The following CYRIA variants were observed in gnomAD, a reference collection of about 807,000 sequenced individuals.
The protein encoded by CYRIA is CYFIP related Rac1 interactor A, also known as CYFIP-related Rac1 interactor A.
Under a neutral mutation model 43.9 loss-of-function variants are expected in CYRIA, and 15 were observed. That is an observed-to-expected ratio of 0.34 (90% confidence interval 0.23 to 0.53). The LOEUF is 0.53. CYRIA is among the 20% of genes least tolerant of loss of function. The pLI is 0.94. For missense variants in CYRIA, 236 were observed against 394.2 expected (o/e 0.60, Z 3.40); for synonymous variants, 117 against 136.0 (o/e 0.86, Z 0.97).
At chr2:16,593,104 A>T (rs1389035284) in intron 2 of CYRIA, among the ~76,000 whole-genome samples, 1 of 152,194 alleles carries the variant, frequency 6.6e-6, no homozygotes, top group East Asian at 1.9e-4. Flanking sequence ...GTATACTGTA[A>T]AGGGCTGGGC....
At chr2:16,591,066 GCAGCTCAT>G (rs1667914105) in intron 2 of CYRIA, among the ~76,000 whole-genome samples, 1 of 152,042 alleles carries the variant, frequency 6.6e-6, no homozygotes. Flanking sequence ...ATTTTTTCAA[GCAGCTCAT>G]CAGTGAATAC....
intron 2 of CYRIA, among the ~76,000 whole-genome samples, chr2:16,614,652 A>C (rs968135321): frequency 6.6e-6 from 1 of 152,192 alleles, no homozygotes; most frequent in Non-Finnish European, 1.5e-5. Flanking sequence ...GTTGCTCCCC[A>C]GCTCATATCA....
At chr2:16,590,333 T>C (rs1667882380) in intron 2 of CYRIA, among the ~76,000 whole-genome samples, 1 of 152,178 alleles carries the variant, frequency 6.6e-6, no homozygotes, top group African/African-American at 2.4e-5. Context: ...TGTCTCCAGA[T>C]TAAGGAACAA....
chr2:16,663,475 C>G (rs767622155), intron 1 of CYRIA, among the ~76,000 whole-genome samples: 9 of 152,000 alleles, frequency 5.9e-5, no homozygotes, highest in Non-Finnish European at 1.0e-4. Flanking sequence ...GAAAAAAACA[C>G]CAGGGAAGGG....
At chr2:16,632,816 A>G (rs192294199) in intron 1 of CYRIA, among the ~76,000 whole-genome samples, 1 of 152,310 alleles carries the variant, frequency 6.6e-6, no homozygotes, top group Non-Finnish European at 1.5e-5. Flanking sequence ...CGCTCCAGAC[A>G]ATAGCACAGC....
At chr2:16,621,917 G>C (rs959802672) in intron 2 of CYRIA, among the ~76,000 whole-genome samples, 3 of 152,114 alleles carry the variant, frequency 2.0e-5, no homozygotes, top group Non-Finnish European at 2.9e-5. Flanking sequence ...TTGAATGCAA[G>C]CTCCTTGAGA....
At chr2:16,639,465 AC>A (rs1370057568) in intron 1 of CYRIA, among the ~76,000 whole-genome samples, 1 of 152,210 alleles carries the variant, frequency 6.6e-6, no homozygotes, top group East Asian at 1.9e-4. Context: ...ATCTGCCCTC[AC>A]CCTGGATGTA....
chr2:16,558,332 C>A (rs191507585), intron 10 of CYRIA, among the ~76,000 whole-genome samples: 1 of 152,102 alleles, frequency 6.6e-6, no homozygotes, highest in Non-Finnish European at 1.5e-5. Flanking sequence ...AATAAGTAAT[C>A]CAAGTTACAT....
chr2:16,555,728 T>C (rs1666484942), intron 10 of CYRIA, among the ~76,000 whole-genome samples: 1 of 152,090 alleles, frequency 6.6e-6, no homozygotes, highest in African/African-American at 2.4e-5. Flanking sequence ...CCAATACGAC[T>C]CTGTCATTTA....
chr2:16,664,639 C>CAAGT (rs1443396895), intron 1 of CYRIA, among the ~76,000 whole-genome samples: 2 of 152,352 alleles, frequency 1.3e-5, no homozygotes, highest in Admixed American at 1.3e-4. Flanking sequence ...TGCCCCAGCA[C>CAAGT]AAGTCCCAGC....
chr2:16,612,584 C>T (rs1057090668), intron 2 of CYRIA, among the ~76,000 whole-genome samples: 1 of 152,174 alleles, frequency 6.6e-6, no homozygotes, highest in African/African-American at 2.4e-5. Context: ...TGAGAAGAGC[C>T]TGCCACCCAC....
chr2:16,626,655 G>A (rs556398044), intron 1 of CYRIA, among the ~76,000 whole-genome samples: 15 of 152,246 alleles, frequency 9.9e-5, no homozygotes, highest in Admixed American at 3.3e-4. Context: ...GAGTCACCCC[G>A]GGGCCAAGTG....
intron 3 of CYRIA, among the ~76,000 whole-genome samples, chr2:16,582,376 G>A (rs183966170): frequency 1.3e-5 from 2 of 152,222 alleles, no homozygotes; most frequent in Non-Finnish European, 2.9e-5. Context: ...CGTGCCATAC[G>A]ATTTGCCCAT....
intron 3 of CYRIA, among the ~76,000 whole-genome samples, chr2:16,582,249 T>C (rs1667576592): frequency 1.3e-5 from 2 of 152,110 alleles, no homozygotes; most frequent in Admixed American, 1.3e-4. Flanking sequence ...AGAGAAATAA[T>C]ATATTCTGTG....
At chr2:16,582,206 T>C (rs868643262) in intron 3 of CYRIA, among the ~76,000 whole-genome samples, 1 of 152,084 alleles carries the variant, frequency 6.6e-6, no homozygotes. Flanking sequence ...CCAATGAAAA[T>C]ACAATTTAAA....
At chr2:16,613,278 C>T (rs916942039) in intron 2 of CYRIA, among the ~76,000 whole-genome samples, 5 of 152,174 alleles carry the variant, frequency 3.3e-5, no homozygotes, top group Admixed American at 2.6e-4. Flanking sequence ...GGAGAGCCAG[C>T]GGGTAGTGCT....
chr2:16,656,784 C>T (rs191335726), intron 1 of CYRIA, among the ~76,000 whole-genome samples: 1 of 152,332 alleles, frequency 6.6e-6, no homozygotes, highest in Admixed American at 6.5e-5. Context: ...ATGGCCGTTG[C>T]CATTAGGGCC....
chr2:16,593,796 T>C (rs1267748780), intron 2 of CYRIA, among the ~76,000 whole-genome samples: 1 of 141,492 alleles, frequency 7.1e-6, no homozygotes, highest in Non-Finnish European at 1.5e-5. Context: ...TACATATGTA[T>C]ACATGTGCCA....
At chr2:16,622,102 C>T (rs1321086063) in intron 2 of CYRIA, among the ~76,000 whole-genome samples, 2 of 151,830 alleles carry the variant, frequency 1.3e-5, no homozygotes, top group African/African-American at 4.8e-5. Flanking sequence ...TGTGCTTGGA[C>T]CCTGACTGTC....
Sources: allele counts gnomAD v4.1 joint callset (sites outside exome capture counted in the v4.1 genomes callset), GRCh38; gene constraint gnomAD v4.1.1; transcripts MANE v1.5; gene names NCBI Gene and HGNC (gene_info 2026-07-23, HGNC 2026-07-21).